Variants in GRN observed in about 807,000 individuals in gnomAD.
The protein encoded by GRN is granulin precursor, also known as progranulin.
GRN carries 30 observed loss-of-function variants against 66.7 expected under a neutral mutation model. That is an observed-to-expected ratio of 0.45 (90% CI 0.34 to 0.61). The LOEUF (loss-of-function observed/expected upper bound fraction) is 0.61. Ranked by LOEUF, GRN falls within the 20% of genes least tolerant of loss-of-function variation. GRN has a pLI of 0.01. For missense variants in GRN, 731 were observed against 803.5 expected (o/e 0.91, Z 1.09); for synonymous variants, 327 against 311.1 (o/e 1.05, Z -0.54).
rs1392619089 is a variant in GRN at position 44,352,470 on chromosome 17, G to A, written c.1543G>A (p.Gly515Ser). 6.2e-7 allele frequency: 1 copy of A among 1,614,038 alleles called. No individual in the cohort carries two copies. The highest frequency in any genetic ancestry group is 1.3e-5 in the African/African-American group (1 of 75,046). The change falls in exon 12 of 13, where the codon GGT becomes AGT. Residue 515 changes from glycine to serine, a missense_variant. By Grantham distance (56) the Gly-to-Ser change is moderately conservative. Transcript: ENST00000053867. ...ATFLARSPHV[G>S]VKDVECGEGH... Reference sequence around the variant, plus strand: ...CTTCCTGGCCCGTAGCCCTCACGTGGGTGTGAAGGACGTGGAGTGTGGGGA... The same window carrying A: ...CTTCCTGGCCCGTAGCCCTCACGTGAGTGTGAAGGACGTGGAGTGTGGGGA...
intron 1 of GRN, among the ~76,000 whole-genome samples, chr17:44,348,130 A>G (rs972609581): frequency 1.3e-5 from 2 of 152,204 alleles, no homozygotes; most frequent in African/African-American, 2.4e-5. Context: ...GCAAAGAAAT[A>G]TATATAAAAT....
intron 4 of GRN, 90 bp from the exon 5 acceptor site, chr17:44,350,138 T>C (rs2048357680): frequency 1.1e-6 from 1 of 914,110 alleles, no homozygotes; most frequent in Non-Finnish European, 1.8e-6. Context: ...TAGCTGGGCT[T>C]GCAGGCCCTG....
Position 44,351,810 on chromosome 17 carries a change from A to G in GRN, c.1179+15A>G. ...CAATCCCAGAGGTATATGGGAGGGG[A>G]CAGCATCTTGGCCTGGGCAGGTGGG... On this transcript the variant is annotated intron_variant, in intron 10 of 12. Coordinates refer to ENST00000053867, the MANE Select transcript of GRN (RefSeq NM_002087.4). The G allele has an allele frequency of 6.2e-7, 1 of 1,611,556 alleles. No individual in the cohort carries two copies. The highest frequency in any genetic ancestry group is 8.5e-7 in the Non-Finnish European group (1 of 1,179,116).
chr17:44,352,018 G>A lies in GRN; in HGVS notation c.1183G>A (p.Val395Ile). The A allele has an allele frequency of 1.2e-6, 2 of 1,611,948 alleles. No individual in the cohort carries two copies. The highest frequency in any genetic ancestry group is 1.7e-6 in the Non-Finnish European group (2 of 1,178,900). Residue 395 changes from valine to isoleucine, a missense_variant, in exon 11 of 13, where the codon GTC becomes ATC. Physicochemically the swap from Val to Ile is conservative, Grantham distance 29 (BLOSUM62 3). This residue lies in a region of GRN where 319 missense variants were observed against 347.2 expected (regional missense o/e 0.92). Coordinates refer to ENST00000053867, the MANE Select transcript of GRN (RefSeq NM_002087.4). ...CCCTTTCCTGCCCACCCCCCAGGCT[G>A]TCTGCTGCTCGGACCACCAGCACTG... ...EWGCCPIPEA[V>I]CCSDHQHCCP...
At position 44,351,991 on chromosome 17, in the gene GRN, C is replaced by A. The variant is rs375090795; in HGVS notation, c.1180-24C>A. 6 of 1,585,288 alleles carry A rather than the reference C, an allele frequency of 3.8e-6. No individual in the cohort carries two copies. In the African/African-American group the frequency reaches 6.7e-5, roughly 18 times the overall value. ...CGCCCCACATAGTGGCTACCTACAACGCCCTTTCCTGCCCACCCCCCAGGC... is the reference window on the plus strand; with the variant it reads ...CGCCCCACATAGTGGCTACCTACAAAGCCCTTTCCTGCCCACCCCCCAGGC... On this transcript the variant is annotated intron_variant, in intron 10 of 12. Transcript: ENST00000053867.
intron 1 of GRN, 62 bp from the exon 2 acceptor site, chr17:44,349,096 A>G (rs2048346565): frequency 6.3e-7 from 1 of 1,583,900 alleles, no homozygotes; most frequent in Non-Finnish European, 8.6e-7. Context: ...GTACTGAGTG[A>G]CCCTAGAATC....
chr17:44,352,300 G>A (rs1331712100), intron 11 of GRN, 41 bp from the exon 12 acceptor site: 3 of 1,605,022 alleles, frequency 1.9e-6, no homozygotes, highest in Admixed American at 1.7e-5. Context: ...CCAGTGAGGG[G>A]ACAGGAACAT....
intron 9 of GRN, 35 bp from the exon 10 acceptor site, chr17:44,351,515 C>T (rs1432591614): frequency 1.9e-6 from 3 of 1,613,620 alleles, no homozygotes; most frequent in Non-Finnish European, 2.5e-6. Flanking sequence ...GCAGCCGGGC[C>T]CCAGTGCCCA....
Position 44,351,531 on chromosome 17 carries a change from CCTT to C in GRN, c.934-14_934-12del. The C allele has an allele frequency of 6.2e-7, 1 of 1,613,998 alleles. No homozygotes were observed. The highest frequency in any genetic ancestry group is 2.2e-5 in the East Asian group (1 of 44,884). ...CAGCCGGGCCCCAGTGCCCACCTGC[CCTT>C]CTTCATCTGCCCTAGGCTGTGTGCT... is the stretch of plus-strand genomic sequence containing the variant. On this transcript the variant is annotated splice_polypyrimidine_tract_variant and intron_variant, in intron 9 of 12. Transcript: ENST00000053867.
In GRN at chr17:44,352,182, C is replaced by G. The variant is rs1033064351; in HGVS notation, c.1347C>G (p.Ser449Arg). 1.2e-6 allele frequency: 2 copies of G among 1,613,534 alleles called. No individual in the cohort carries two copies. Among genetic ancestry groups the G allele is most frequent in the East Asian group, 2.2e-5 (1 of 44,882 alleles). ...ACATCGGCTGTGACCAGCACACCAG[C>G]TGCCCGGTGGGGCAGACCTGCTGCC... Reference protein sequence around the residue: ...PRDIGCDQHTSCPVGQTCCPS... With the variant: ...PRDIGCDQHTRCPVGQTCCPS... The change falls in exon 11 of 13, where the codon AGC becomes AGG. Residue 449 changes from serine (S) to arginine (R), a missense_variant. Coordinates refer to ENST00000053867, the MANE Select transcript of GRN (RefSeq NM_002087.4).
At chr17:44,350,361 G>A (rs745632944) in intron 5 of GRN, 21 bp downstream of exon 5, 2 of 1,611,750 alleles carry the variant, frequency 1.2e-6, no homozygotes, top group Admixed American at 1.7e-5. Context: ...GGGGGAGATG[G>A]GGGTATGTGG....
Position 44,349,700 on chromosome 17 carries a change from C to T in GRN, c.298C>T (p.Pro100Ser). 1 of 1,613,346 alleles carries T rather than the reference C, an allele frequency of 6.2e-7. No homozygotes were observed. Among genetic ancestry groups the T allele is most frequent in the Non-Finnish European group, 8.5e-7 (1 of 1,179,428 alleles). ...VACGDGHHCC[P>S]RGFHCSADGR... is the part of the protein sequence containing the mutation. ...ATGCGGGGATGGCCATCACTGCTGC[C>T]CACGGGGCTTCCACTGCAGTGCAGA... The change falls in exon 4 of 13, where the codon CCA becomes TCA. Residue 100 changes from proline to serine, a missense_variant. By Grantham distance (74) the Pro-to-Ser change is moderately conservative. Coordinates refer to ENST00000053867, the MANE Select transcript of GRN (RefSeq NM_002087.4).
In GRN at chr17:44,352,368, T is replaced by C; in HGVS notation, c.1441T>C (p.Cys481Arg). Residue 481 changes from cysteine (C) to arginine (R), a missense_variant, in exon 12 of 13, where the codon TGC (cysteine) becomes CGC (arginine). This residue lies in a region of GRN where 319 missense variants were observed against 347.2 expected (regional missense o/e 0.92). Coordinates refer to ENST00000053867, the MANE Select transcript of GRN (RefSeq NM_002087.4). Reference protein sequence around the residue: ...HAVCCEDRQHCCPAGYTCNVK... With the variant: ...HAVCCEDRQHRCPAGYTCNVK... ...TGTGTGCTGCGAGGATCGCCAGCAC[T>C]GCTGCCCGGCTGGCTACACCTGCAA... The C allele has an allele frequency of 6.2e-7, 1 of 1,613,694 alleles. No homozygotes were observed. Among genetic ancestry groups the C allele is most frequent in the Non-Finnish European group, 8.5e-7 (1 of 1,179,976 alleles).
Position 44,352,342 on chromosome 17 carries a change from C to T in GRN, c.1415C>T (p.Ala472Val). Residue 472 changes from alanine to valine, a missense_variant and splice_region_variant, in exon 12 of 13, where the codon GCT (alanine) becomes GTT (valine). Physicochemically the swap from Ala to Val is moderately conservative, Grantham distance 64. This residue lies in a region of GRN where 319 missense variants were observed against 347.2 expected (regional missense o/e 0.92). Transcript: ENST00000053867. ...GSWACCQLPH[A>V]VCCEDRQHCC... The stretch of plus-strand genomic sequence containing the variant: ...ATTCTGTGCTCCCTTCCCCGCCAGG[C>T]TGTGTGCTGCGAGGATCGCCAGCAC... The T allele has an allele frequency of 6.2e-7, 1 of 1,612,828 alleles. No individual in the cohort carries two copies.
Position 44,349,785 on chromosome 17 carries a change from C to A in GRN, c.349+34C>A, listed in dbSNP as rs201390599. On this transcript the variant is annotated intron_variant, in intron 4 of 12. Transcript: ENST00000053867. Reference sequence around the variant, plus strand: ...GGGGTGTGGGTGCAGGGCAGGCAGACGGGCAGCATGTGGAGTCTGGAACCC... The same window carrying A: ...GGGGTGTGGGTGCAGGGCAGGCAGAAGGGCAGCATGTGGAGTCTGGAACCC... 4.2e-6 allele frequency: 6 copies of A among 1,427,966 alleles called. No homozygotes were observed. The South Asian group carries it at 6.9e-5, about 16-fold the overall frequency. 88.5% of individuals were successfully genotyped at this position (1,427,966 alleles called of 1,614,324 possible).
At chr17:44,351,860 C>A in intron 10 of GRN, 65 bp downstream of exon 10, 1 of 1,556,538 alleles carries the variant, frequency 6.4e-7, no homozygotes, top group South Asian at 1.1e-5. Context: ...TTGCTTTCTG[C>A]CCTCCGCATA....
intron 1 of GRN, among the ~76,000 whole-genome samples, chr17:44,346,440 C>T (rs1326591151): frequency 1.3e-5 from 2 of 152,274 alleles, no homozygotes; most frequent in Admixed American, 6.5e-5. Context: ...CACCTAGACT[C>T]GTGGGGTAAC....
Position 44,350,582 on chromosome 17 carries a change from G to A in GRN, c.598+5G>A. On this transcript the variant is annotated splice_donor_5th_base_variant and intron_variant, in intron 6 of 12. Transcript: ENST00000053867. Reference sequence around the variant, plus strand: ...CCCAGAGGACTAACAGGGCAGGTGAGGAGGTGGGAGAGCATCAGGCCAGGG... The same window carrying A: ...CCCAGAGGACTAACAGGGCAGGTGAAGAGGTGGGAGAGCATCAGGCCAGGG... 6.2e-7 allele frequency: 1 copy of A among 1,613,738 alleles called. No individual in the cohort carries two copies. The highest frequency in any genetic ancestry group is 8.5e-7 in the Non-Finnish European group (1 of 1,179,826).
chr17:44,349,832 A>G, intron 4 of GRN, 81 bp downstream of exon 4: 1 of 931,650 alleles, frequency 1.1e-6, no homozygotes, highest in Admixed American at 1.9e-5. Context: ...TGGCGGGGGC[A>G]GCCCTGATTC....
Sources: gnomAD v4.1 joint callset for allele counts (sites outside exome capture counted in the v4.1 genomes callset) on GRCh38, gnomAD v4.1.1 for gene constraint, gnomAD v4.1.1 regional missense constraint, MANE v1.5 for transcripts, NCBI Gene and HGNC (gene_info 2026-07-23, HGNC 2026-07-21) for gene names.